Variants in RBFOX3 observed in about 807,000 individuals in gnomAD.
RBFOX3 encodes RNA binding fox-1 homolog 3.
A neutral mutation model predicts 48.7 loss-of-function variants in RBFOX3; 17 were observed. The ratio of observed to expected loss-of-function variants is 0.35; its 90% CI spans 0.24 to 0.52. The LOEUF is 0.52. Among genes scored for constraint, RBFOX3 ranks in the 20% least tolerant of loss-of-function variants. RBFOX3 has a pLI of 0.94. For missense variants in RBFOX3, 382 were observed against 497.5 expected, an observed-to-expected ratio of 0.77 and a Z score of 2.21; for synonymous variants, 212 against 209.5, an observed-to-expected ratio of 1.01 and a Z score of -0.10.
chr17:79,376,251 T>G (rs537536366), intron 2 of RBFOX3, among the ~76,000 whole-genome samples: 12 of 152,254 alleles, frequency 7.9e-5, no homozygotes, highest in Admixed American at 7.8e-4. Context: ...AATCGACTGG[T>G]TGGAATGAAA....
intron 11 of RBFOX3, 46 bp downstream of exon 11, chr17:79,097,246 G>T: frequency 1.0e-6 from 1 of 981,540 alleles, no homozygotes; most frequent in Non-Finnish European, 1.3e-6. Flanking sequence ...CCTCCTCCCC[G>T]CCGTCCTACC....
At chr17:79,227,601 G>A (rs967933964) in intron 4 of RBFOX3, among the ~76,000 whole-genome samples, 6 of 152,226 alleles carry the variant, frequency 3.9e-5, no homozygotes, top group Admixed American at 6.5e-5. Context: ...GGGGGATGGC[G>A]GCGTGGGGAG....
chr17:79,126,603 C>T (rs944698582), intron 4 of RBFOX3, among the ~76,000 whole-genome samples: 3 of 152,174 alleles, frequency 2.0e-5, no homozygotes, highest in African/African-American at 4.8e-5. Context: ...CACCCAAGGG[C>T]GTGCAAACGA....
chr17:79,367,496 A>G (rs1004345894), intron 2 of RBFOX3, among the ~76,000 whole-genome samples: 2 of 152,014 alleles, frequency 1.3e-5, no homozygotes, highest in Non-Finnish European at 2.9e-5. Context: ...AGCGATGAGC[A>G]CTCATGAGCT....
At chr17:79,657,637 C>T in the RBFOX3 span, among the ~76,000 whole-genome samples, 1 of 152,166 alleles carries the variant, frequency 6.6e-6, no homozygotes, top group African/African-American at 2.4e-5. Flanking sequence ...CAAGATCGTG[C>T]CGTTGCTCTC....
intron 4 of RBFOX3, among the ~76,000 whole-genome samples, chr17:79,125,709 G>C (rs1599552650): frequency 1.3e-5 from 2 of 152,236 alleles, no homozygotes; most frequent in Non-Finnish European, 2.9e-5. Context: ...CCTTCAGACG[G>C]CTCCCGCCTG....
chr17:79,366,074 T>A (rs1268752050), intron 2 of RBFOX3, among the ~76,000 whole-genome samples: 1 of 152,230 alleles, frequency 6.6e-6, no homozygotes, highest in South Asian at 2.1e-4. Flanking sequence ...GGAGCCCCTG[T>A]GCTGAAAGTC....
intron 3 of RBFOX3, among the ~76,000 whole-genome samples, chr17:79,253,716 G>T (rs2064341982): frequency 6.6e-6 from 1 of 152,162 alleles, no homozygotes; most frequent in African/African-American, 2.4e-5. Context: ...GGGTGGCAGG[G>T]GTGTCCCCAG....
At chr17:79,527,914 G>A (rs905592118) in intron 1 of RBFOX3, among the ~76,000 whole-genome samples, 6 of 152,136 alleles carry the variant, frequency 3.9e-5, no homozygotes, top group African/African-American at 1.4e-4. Context: ...TGCCCTCTCC[G>A]CTCCTTAACA....
At chr17:79,225,416 G>A (rs535085189) in intron 4 of RBFOX3, among the ~76,000 whole-genome samples, 1 of 151,184 alleles carries the variant, frequency 6.6e-6, no homozygotes, top group Non-Finnish European at 1.5e-5. Flanking sequence ...TCAGCCTCCC[G>A]CATAGCTGGG....
At chr17:79,288,209 G>A (rs941332180) in intron 3 of RBFOX3, among the ~76,000 whole-genome samples, 10 of 151,962 alleles carry the variant, frequency 6.6e-5, no homozygotes, top group African/African-American at 1.9e-4. Flanking sequence ...CTGGCTGCCC[G>A]TCCCCTCTCG....
intron 4 of RBFOX3, among the ~76,000 whole-genome samples, chr17:79,218,722 CTT>C (rs2059368531): frequency 6.6e-6 from 1 of 152,284 alleles, no homozygotes; most frequent in African/African-American, 2.4e-5. Flanking sequence ...CAGGGAATGT[CTT>C]TGGGGAAGTG....
At chr17:79,329,957 C>A (rs889183876) in intron 2 of RBFOX3, among the ~76,000 whole-genome samples, 1 of 152,198 alleles carries the variant, frequency 6.6e-6, no homozygotes, top group Admixed American at 6.5e-5. Context: ...ATCCCAGGAG[C>A]ACCTCTGTTC....
At chr17:79,399,885 G>A (rs112432926) in intron 2 of RBFOX3, among the ~76,000 whole-genome samples, 9 of 152,354 alleles carry the variant, frequency 5.9e-5, no homozygotes, top group African/African-American at 9.6e-5. Flanking sequence ...ACTGGCTAGT[G>A]CAGGACAGTC....
rs565302917 is a variant in RBFOX3, at chr17:79,269,697, C to T, written c.-73-33892G>A. Reference sequence around the variant, plus strand: ...GCACCCCCCACCTCTTTTCTCCTGGCGGGGCCTGGGTCTTTCCTCTCCCTT... The same window carrying T: ...GCACCCCCCACCTCTTTTCTCCTGGTGGGGCCTGGGTCTTTCCTCTCCCTT... On this transcript the variant is annotated intron_variant, in intron 3 of 14. Transcript: ENST00000693108. Among the ~76,000 whole-genome samples, 135 of 152,206 alleles carry T rather than the reference C, an allele frequency of 8.9e-4. No homozygotes were observed. The Middle Eastern group carries it at 0.02, about 23-fold the overall frequency.
intron 4 of RBFOX3, among the ~76,000 whole-genome samples, chr17:79,179,584 C>T (rs1321567977): frequency 1.3e-5 from 2 of 152,162 alleles, no homozygotes; most frequent in African/African-American, 4.8e-5. Flanking sequence ...CCCTCTCCCC[C>T]GGAGCCATTT....
intron 1 of RBFOX3, among the ~76,000 whole-genome samples, chr17:79,545,202 G>T (rs779981188): frequency 6.6e-6 from 1 of 152,164 alleles, no homozygotes; most frequent in Non-Finnish European, 1.5e-5. Context: ...TTGCATGCAC[G>T]CTAAGAGAAG....
chr17:79,400,202 A>AT (rs1238915936), intron 2 of RBFOX3, among the ~76,000 whole-genome samples: 1 of 151,956 alleles, frequency 6.6e-6, no homozygotes, highest in Non-Finnish European at 1.5e-5. Context: ...AGCAACATGA[A>AT]TTTTTTCCTT....
chr17:79,549,945 A>C (rs2090971343), intron 1 of RBFOX3, among the ~76,000 whole-genome samples: 1 of 152,234 alleles, frequency 6.6e-6, no homozygotes, highest in Admixed American at 6.5e-5. Context: ...ACACACCAAA[A>C]AAAAACGTGG....
Sources: allele counts gnomAD v4.1 joint callset (sites outside exome capture counted in the v4.1 genomes callset), GRCh38; gene constraint gnomAD v4.1.1; transcripts MANE v1.5; gene names NCBI Gene and HGNC (gene_info 2026-07-23, HGNC 2026-07-21).